The following LIMK1 variants were observed in gnomAD, a reference collection of about 807,000 sequenced individuals.
The protein encoded by LIMK1 is LIM motif-containing protein kinase.
Under a neutral mutation model 77.6 loss-of-function variants are expected in LIMK1, and 21 were observed. The observed-to-expected ratio is 0.27, with a 90% CI of 0.19 to 0.39. LIMK1 has a LOEUF of 0.39. Among genes scored for constraint, LIMK1 ranks in the 10% least tolerant of loss-of-function variants. The pLI, the probability that LIMK1 is intolerant of heterozygous loss-of-function variation, is 1.00. For missense variants in LIMK1, 696 were observed against 901.6 expected, an observed-to-expected ratio of 0.77 and a Z score of 2.92; for synonymous variants, 358 against 370.0, an observed-to-expected ratio of 0.97 and a Z score of 0.37.
chr7:74,084,426 C>A (rs1563908871), intron 1 of LIMK1, among the ~76,000 whole-genome samples: 1 of 152,222 alleles, frequency 6.6e-6, no homozygotes, highest in Non-Finnish European at 1.5e-5. Context: ...AGCCGCAGCC[C>A]CGGGTCCCAG....
chr7:74,116,720 T>C (rs1450242016), intron 13 of LIMK1, among the ~76,000 whole-genome samples: 3 of 150,526 alleles, frequency 2.0e-5, no homozygotes, highest in African/African-American at 7.3e-5. Context: ...TTTTCTTTTT[T>C]AAAGAGGGTC....
At chr7:74,106,817 C>T (rs916752776) in intron 7 of LIMK1, among the ~76,000 whole-genome samples, 193 bp from the exon 8 acceptor site, 2 of 152,214 alleles carry the variant, frequency 1.3e-5, no homozygotes, top group African/African-American at 4.8e-5. Context: ...TGGGGGCTGC[C>T]ACTAGAGCCA....
intron 2 of LIMK1, among the ~76,000 whole-genome samples, chr7:74,095,874 A>G (rs1044401976): frequency 6.6e-6 from 1 of 151,230 alleles, no homozygotes; most frequent in Non-Finnish European, 1.5e-5. Context: ...GGCCCCACCA[A>G]CCAGGCCTCC....
intron 2 of LIMK1, 145 bp downstream of exon 2, chr7:74,085,989 CATG>C: frequency 1.6e-6 from 1 of 617,122 alleles, no homozygotes; most frequent in South Asian, 1.9e-5. Flanking sequence ...CCATTTATGA[CATG>C]AGGTGTTTTG....
intron 5 of LIMK1, among the ~76,000 whole-genome samples, chr7:74,102,024 G>C (rs1799468355): frequency 6.6e-6 from 1 of 152,018 alleles, no homozygotes; most frequent in South Asian, 2.1e-4. Context: ...GAGTCTTGCT[G>C]TGTCGCCCAG....
rs989625404 is a variant in LIMK1 at position 74,120,708 on chromosome 7, C to T, written c.1623+70C>T. On this transcript the variant is annotated intron_variant, in intron 14 of 15. Transcript: ENST00000336180. ...TCCCCACTCACCCAGGCTGCAGGCT[C>T]AGCATCTGCAGGGGCCTCATGCCAG... is the stretch of plus-strand genomic sequence containing the variant. 7.6e-6 allele frequency: 12 copies of T among 1,577,620 alleles called. No homozygotes were observed. The African/African-American group carries it at 1.1e-4, about 14-fold the overall frequency.
chr7:74,105,355 C>CA (rs1170007944), intron 5 of LIMK1, among the ~76,000 whole-genome samples: 1 of 151,582 alleles, frequency 6.6e-6, no homozygotes, highest in African/African-American at 2.4e-5. Context: ...ACTAAAAATA[C>CA]AAAAAAAATT....
intron 1 of LIMK1, 52 bp from the exon 2 acceptor site, chr7:74,085,696 C>T (rs1490417404): frequency 3.3e-5 from 48 of 1,441,798 alleles, no homozygotes; most frequent in South Asian, 7.3e-5. Context: ...GCTGGGCCTG[C>T]ACCAGATCAC....
chr7:74,120,498 C>A, intron 13 of LIMK1, 85 bp from the exon 14 acceptor site: 1 of 1,464,426 alleles, frequency 6.8e-7, no homozygotes, highest in Non-Finnish European at 9.6e-7. Context: ...GCCGGGGCAT[C>A]CTCCCAGCTG....
At chr7:74,091,955 T>G (rs2855729) in intron 2 of LIMK1, among the ~76,000 whole-genome samples, 95 of 69,386 alleles carry the variant, frequency 1.4e-3, no homozygotes, top group Non-Finnish European at 1.4e-3. Context: ...GCTGTACAGC[T>G]TTTTTTTTTT....
intron 2 of LIMK1, among the ~76,000 whole-genome samples, chr7:74,087,294 C>T (rs1799152579): frequency 6.6e-6 from 1 of 152,218 alleles, no homozygotes; most frequent in African/African-American, 2.4e-5. Context: ...GTCCCAGCTA[C>T]TCAAGAGGCT....
chr7:74,084,496 T>G (rs1799093658), intron 1 of LIMK1, among the ~76,000 whole-genome samples: 1 of 152,144 alleles, frequency 6.6e-6, no homozygotes, highest in Non-Finnish European at 1.5e-5. Flanking sequence ...TTCCTGGTCC[T>G]CAGTTTCCCC....
chr7:74,093,150 G>A, intron 2 of LIMK1: 1 of 1,485,314 alleles, frequency 6.7e-7, no homozygotes, highest in South Asian at 1.3e-5. Flanking sequence ...ACCCTCTGCA[G>A]CCTCCAATCC....
intron 2 of LIMK1, among the ~76,000 whole-genome samples, chr7:74,090,969 G>A (rs1177744383): frequency 7.2e-5 from 11 of 152,178 alleles, no homozygotes; most frequent in South Asian, 4.1e-4. Flanking sequence ...GCTGGAGTGC[G>A]GTGGCGCAAT....
intron 2 of LIMK1, among the ~76,000 whole-genome samples, chr7:74,091,797 G>A (rs964538732): frequency 2.6e-5 from 4 of 152,060 alleles, no homozygotes; most frequent in African/African-American, 9.7e-5. Flanking sequence ...GTGTTTAGAG[G>A]ATGTCGGGGG....
At position 74,121,195 on chromosome 7, in the gene LIMK1, G is replaced by A. The variant is rs782768305; in HGVS notation, c.1838G>A (p.Gly613Asp). 15 of 1,612,006 alleles carry A rather than the reference G, an allele frequency of 9.3e-6. No individual in the cohort carries two copies. The highest frequency in any genetic ancestry group is 1.2e-5 in the Non-Finnish European group (14 of 1,179,704). The change falls in exon 16 of 16, where the codon GGC becomes GAC. Residue 613 changes from glycine to aspartate, a missense_variant. By Grantham distance (94) the Gly-to-Asp change is moderately conservative (BLOSUM62 -1). Transcript: ENST00000336180. ...WLETLRMHLA[G>D]HLPLGPQLEQ... The stretch of plus-strand genomic sequence containing the variant: ...GAGACCCTCCGCATGCACCTGGCCG[G>A]CCACCTGCCACTGGGCCCACAGCTG...
intron 5 of LIMK1, among the ~76,000 whole-genome samples, chr7:74,103,381 G>A (rs1799506621): frequency 6.6e-6 from 1 of 151,268 alleles, no homozygotes; most frequent in South Asian, 2.1e-4. Flanking sequence ...GTGAGCCATC[G>A]TACCTGCCCT....
At chr7:74,107,304 C>A in intron 8 of LIMK1, 111 bp downstream of exon 8, 1 of 1,188,790 alleles carries the variant, frequency 8.4e-7, no homozygotes, top group Non-Finnish European at 1.1e-6. Context: ...TCCAGACTCC[C>A]TGGCCAGTGC....
intron 2 of LIMK1, chr7:74,092,937 C>T: frequency 5.5e-6 from 2 of 363,170 alleles, no homozygotes; most frequent in Non-Finnish European, 4.9e-6. Flanking sequence ...GCTGAGGAGC[C>T]TACAGCGTGT....
Sources: allele counts gnomAD v4.1 joint callset (sites outside exome capture counted in the v4.1 genomes callset), GRCh38; gene constraint gnomAD v4.1.1; transcripts MANE v1.5; gene names NCBI Gene and HGNC (gene_info 2026-07-23, HGNC 2026-07-21).